Variants in SYTL5 observed in about 807,000 individuals in gnomAD.
SYTL5 encodes the protein synaptotagmin-like protein 5.
In SYTL5, 34 loss-of-function variants were observed where a neutral mutation model predicts 55.9. The ratio of observed to expected loss-of-function variants is 0.61; its 90% confidence interval spans 0.46 to 0.81. The LOEUF is 0.81. SYTL5 is among the 30% of genes least tolerant of loss of function. The pLI, the probability that SYTL5 is intolerant of heterozygous loss-of-function variation, is 0.00. For missense variants in SYTL5, 637 were observed against 546.7 expected (o/e 1.17, Z -1.65); for synonymous variants, 221 against 188.7 (o/e 1.17, Z -1.40).
intron 3 of SYTL5, among the ~76,000 whole-genome samples, chrX:38,067,807 A>G (rs774178135): frequency 8.9e-5 from 10 of 112,358 alleles, no homozygotes; most frequent in Non-Finnish European, 1.1e-4. Flanking sequence ...TTAAATATTT[A>G]AGTGTAAGAC....
intron 1 of SYTL5, among the ~76,000 whole-genome samples, chrX:38,027,021 C>T (rs1033435709): frequency 2.7e-5 from 3 of 111,698 alleles, no homozygotes; most frequent in African/African-American, 9.8e-5. Flanking sequence ...GTAACTTCTT[C>T]ATGCTGAACA....
chrX:37,915,500 G>C, the SYTL5 span, among the ~76,000 whole-genome samples: 1 of 111,954 alleles, frequency 8.9e-6, no homozygotes. Context: ...AGTACTCTAT[G>C]TACTTTTTAA....
At chrX:37,971,400 A>C in the SYTL5 span, among the ~76,000 whole-genome samples, 1 of 111,396 alleles carries the variant, frequency 9.0e-6, no homozygotes, top group Non-Finnish European at 1.9e-5. Context: ...CCAATTGAAC[A>C]TAAAATTATA....
the SYTL5 span, among the ~76,000 whole-genome samples, chrX:37,958,873 C>T: frequency 8.9e-6 from 1 of 112,500 alleles, no homozygotes; most frequent in Non-Finnish European, 1.9e-5. Context: ...AAAACCCCAA[C>T]AGGGAAACAA....
chrX:38,063,305 A>G (rs756578888), intron 3 of SYTL5, among the ~76,000 whole-genome samples: 38 of 111,865 alleles, frequency 3.4e-4, no homozygotes, highest in Non-Finnish European at 6.4e-4. Context: ...CTTGAATGGC[A>G]AGAAGCTATT....
the SYTL5 span, among the ~76,000 whole-genome samples, chrX:37,896,634 A>G: frequency 8.9e-6 from 1 of 111,884 alleles, no homozygotes; most frequent in African/African-American, 3.2e-5. Flanking sequence ...AGAATGCTGC[A>G]TAGAAGAAAA....
intron 13 of SYTL5, 109 bp from the exon 14 acceptor site, chrX:38,120,249 T>A: frequency 1.9e-6 from 1 of 538,644 alleles, no homozygotes; most frequent in Non-Finnish European, 3.2e-6. Context: ...GAAATGAGAA[T>A]GGATTGTCAC....
the SYTL5 span, among the ~76,000 whole-genome samples, chrX:37,972,546 A>G: frequency 9.0e-6 from 1 of 110,808 alleles, no homozygotes; most frequent in African/African-American, 3.3e-5. Flanking sequence ...GAGGCCCCAT[A>G]TGTTTTGGGA....
At chrX:37,933,429 C>T in the SYTL5 span, among the ~76,000 whole-genome samples, 2 of 111,385 alleles carry the variant, frequency 1.8e-5, no homozygotes, top group African/African-American at 3.3e-5. Flanking sequence ...TGACAGCCAC[C>T]GGAAAGGGTA....
chrX:38,014,662 G>A (rs147024495), intron 1 of SYTL5, among the ~76,000 whole-genome samples: 276 of 111,662 alleles, frequency 2.5e-3, no homozygotes, highest in Middle Eastern at 4.7e-3. Flanking sequence ...CAAGAAAGGC[G>A]GGACAACTCT....
the SYTL5 span, among the ~76,000 whole-genome samples, chrX:37,956,116 G>A: frequency 8.9e-6 from 1 of 111,982 alleles, no homozygotes; most frequent in Non-Finnish European, 1.9e-5. Flanking sequence ...AGATGCAAAA[G>A]CAGAAACTAT....
the SYTL5 span, among the ~76,000 whole-genome samples, chrX:37,997,818 A>C: frequency 2.7e-5 from 3 of 112,305 alleles, no homozygotes; most frequent in African/African-American, 9.7e-5. Context: ...TACAGACTGG[A>C]GCGGGAATGT....
rs190102327 is a variant in SYTL5 at position 38,059,730 on chromosome X, C to A, written c.329+5308C>A. On this transcript the variant is annotated intron_variant, in intron 3 of 16. Coordinates refer to ENST00000297875, the MANE Select transcript of SYTL5 (RefSeq NM_138780.3). ...TTGTTTGTTTGCTTGTTTTTTCACA[C>A]AGCTCTTTTCCCACCAGATTCTGCC... Among the ~76,000 whole-genome samples the A allele has an allele frequency of 2.3e-3, 257 of 111,006 alleles. 1 individual carries two copies. Among genetic ancestry groups the A allele is most frequent in the African/African-American group, 7.9e-3 (244 of 30,714 alleles).
the SYTL5 span, among the ~76,000 whole-genome samples, chrX:37,968,641 G>C: frequency 9.0e-6 from 1 of 111,199 alleles, no homozygotes; most frequent in Non-Finnish European, 1.9e-5. Flanking sequence ...ATATATTAAC[G>C]GTTTCATCTG....
the SYTL5 span, among the ~76,000 whole-genome samples, chrX:37,954,796 C>G: frequency 9.0e-6 from 1 of 111,543 alleles, no homozygotes; most frequent in Non-Finnish European, 1.9e-5. Context: ...CACAAATGGA[C>G]ATATAGCAAC....
chrX:38,033,697 T>C lies in SYTL5; in HGVS notation c.-193T>C. On this transcript the variant is annotated 5_prime_UTR_variant, in exon 2 of 17. Transcript: ENST00000297875. ...TGACTTTCTTGGAGTGTAATCCCAG[T>C]GGAGGCTGTTCTACGTATAGCCTGA... 3.7e-6 allele frequency: 1 copy of C among 270,806 alleles called. No individual in the cohort carries two copies. Among genetic ancestry groups the C allele is most frequent in the Non-Finnish European group, 6.6e-6 (1 of 152,025 alleles). The allele number at this position is 270,806 out of a possible 1,213,427, so 22.3% of individuals were successfully genotyped here.
chrX:37,956,019 C>T, the SYTL5 span, among the ~76,000 whole-genome samples: 6 of 112,059 alleles, frequency 5.4e-5, no homozygotes, highest in Middle Eastern at 4.6e-3. Flanking sequence ...ACTGGTTGAA[C>T]TGTGTGGGAA....
rs888041160 is a variant in SYTL5 at position 38,073,179 on chromosome X, T to C, written c.446-411T>C. Among the ~76,000 whole-genome samples, 9 of 112,124 alleles carry C rather than the reference T, an allele frequency of 8.0e-5. No homozygotes were observed. The Admixed American group carries it at 8.5e-4, about 11-fold the overall frequency. On this transcript the variant is annotated intron_variant, in intron 4 of 16. Coordinates refer to ENST00000297875, the MANE Select transcript of SYTL5 (RefSeq NM_138780.3). ...GCAGTTCCTCAAGTCACAATATATT[T>C]GCACAGATGCCCACCCTCCCAGGAA...
At chrX:37,929,609 C>T in the SYTL5 span, among the ~76,000 whole-genome samples, 2 of 111,714 alleles carry the variant, frequency 1.8e-5, no homozygotes, top group South Asian at 7.4e-4. Context: ...GGGGCAGTTA[C>T]AAAATGGATA....
Sources: allele counts gnomAD v4.1 joint callset (sites outside exome capture counted in the v4.1 genomes callset), GRCh38; gene constraint gnomAD v4.1.1; transcripts MANE v1.5; gene names NCBI Gene and HGNC (gene_info 2026-07-23, HGNC 2026-07-21).